The following PDE1A variants were observed in gnomAD, a reference collection of about 807,000 sequenced individuals.
The protein encoded by PDE1A is phosphodiesterase 1A.
PDE1A carries 35 observed loss-of-function variants against 61.7 expected under a neutral mutation model. The observed-to-expected ratio is 0.57, with a 90% confidence interval of 0.43 to 0.75. The LOEUF is 0.75. Ranked by LOEUF, PDE1A falls within the 30% of genes least tolerant of loss-of-function variation. PDE1A has a pLI of 0.00. For missense variants in PDE1A, 597 were observed against 630.6 expected (o/e 0.95, Z 0.57); for synonymous variants, 232 against 213.2 (o/e 1.09, Z -0.77).
At chr2:182,530,124 G>A in the PDE1A span, among the ~76,000 whole-genome samples, 497 of 152,276 alleles carry the variant, frequency 3.3e-3, 1 homozygote, top group South Asian at 5.6e-3. Flanking sequence ...TCAGGCTTCT[G>A]CTTCTAAACA....
chr2:182,380,049 T>G (rs1388732175), intron 1 of PDE1A, among the ~76,000 whole-genome samples: 1 of 151,900 alleles, frequency 6.6e-6, no homozygotes, highest in Non-Finnish European at 1.5e-5. Context: ...TACATTTACC[T>G]ATTTTCTCCC....
the PDE1A span, among the ~76,000 whole-genome samples, chr2:182,608,637 C>T: frequency 6.6e-6 from 1 of 152,224 alleles, no homozygotes; most frequent in East Asian, 1.9e-4. Flanking sequence ...TAGCTGCCTC[C>T]CCACAGGGCA....
At chr2:182,712,188 G>T in the PDE1A span, among the ~76,000 whole-genome samples, 1 of 152,328 alleles carries the variant, frequency 6.6e-6, no homozygotes, top group African/African-American at 2.4e-5. Context: ...CTTCACAAGT[G>T]TCAAAGTCTT....
At chr2:182,182,228 A>G (rs1432515545) in intron 13 of PDE1A, among the ~76,000 whole-genome samples, 2 of 152,212 alleles carry the variant, frequency 1.3e-5, no homozygotes, top group Admixed American at 1.3e-4. Context: ...AATAATGTGT[A>G]AGAAAACCAA....
At chr2:182,599,212 A>G in the PDE1A span, among the ~76,000 whole-genome samples, 6 of 152,242 alleles carry the variant, frequency 3.9e-5, no homozygotes, top group Non-Finnish European at 7.4e-5. Flanking sequence ...TTTCCCTGCT[A>G]TGGGTGCCTG....
At chr2:182,191,187 T>G (rs1685657904) in intron 10 of PDE1A, among the ~76,000 whole-genome samples, 1 of 152,092 alleles carries the variant, frequency 6.6e-6, no homozygotes, top group Admixed American at 6.6e-5. Flanking sequence ...AAGATTAGTT[T>G]GTCTGCAGTA....
At chr2:182,516,856 AGGGAGG>A in intron 2 of PDE1A, among the ~76,000 whole-genome samples, 1 of 69,524 alleles carries the variant, frequency 1.4e-5, no homozygotes, top group Non-Finnish European at 2.8e-5. Context: ...GGAGGGAGGG[AGGGAGG>A]GAGGAAGATG....
At chr2:182,599,151 G>A in the PDE1A span, among the ~76,000 whole-genome samples, 4 of 152,166 alleles carry the variant, frequency 2.6e-5, no homozygotes, top group Non-Finnish European at 4.4e-5. Flanking sequence ...AGCCCAGGAA[G>A]GCCCCCCCTA....
chr2:182,334,760 T>C (rs1339422308), intron 1 of PDE1A, among the ~76,000 whole-genome samples: 2 of 152,218 alleles, frequency 1.3e-5, no homozygotes, highest in Non-Finnish European at 2.9e-5. Flanking sequence ...AACATAGTTT[T>C]GGAAGTTCTG....
the PDE1A span, among the ~76,000 whole-genome samples, chr2:182,633,062 T>A: frequency 6.6e-6 from 1 of 152,220 alleles, no homozygotes. Context: ...ACGAATTTCA[T>A]GTTGGCTCCA....
At chr2:182,561,764 T>A in the PDE1A span, among the ~76,000 whole-genome samples, 1 of 152,062 alleles carries the variant, frequency 6.6e-6, no homozygotes, top group Non-Finnish European at 1.5e-5. Context: ...CTTGAAGAGG[T>A]CCTTCACATC....
chr2:182,339,073 CA>C (rs1185186598), intron 1 of PDE1A, among the ~76,000 whole-genome samples: 1 of 152,060 alleles, frequency 6.6e-6, no homozygotes, highest in Non-Finnish European at 1.5e-5. Flanking sequence ...TATATGTTTA[CA>C]AAAGGATAAC....
At chr2:182,275,382 G>A (rs1693332873) in intron 1 of PDE1A, among the ~76,000 whole-genome samples, 1 of 152,094 alleles carries the variant, frequency 6.6e-6, no homozygotes, top group Non-Finnish European at 1.5e-5. Flanking sequence ...CAGCTGACAG[G>A]AACCTGGGAA....
At chr2:182,486,759 C>T (rs1435485681) in intron 2 of PDE1A, among the ~76,000 whole-genome samples, 1 of 152,070 alleles carries the variant, frequency 6.6e-6, no homozygotes, top group Non-Finnish European at 1.5e-5. Context: ...GCCCTTACCT[C>T]AAACCATACA....
At chr2:182,298,798 C>T (rs181377775) in intron 1 of PDE1A, among the ~76,000 whole-genome samples, 4 of 151,844 alleles carry the variant, frequency 2.6e-5, no homozygotes, top group South Asian at 2.1e-4. Context: ...TAGCAAAAAC[C>T]GAGAGAATAT....
chr2:182,206,092 C>G (rs754277943), intron 7 of PDE1A, 27 bp from the exon 8 acceptor site: 2 of 1,587,752 alleles, frequency 1.3e-6, no homozygotes, highest in Non-Finnish European at 1.7e-6. Flanking sequence ...AAATGCCCAA[C>G]AGAGGATTTC....
At chr2:182,192,076 C>T (rs936035663) in intron 10 of PDE1A, among the ~76,000 whole-genome samples, 8 of 151,928 alleles carry the variant, frequency 5.3e-5, no homozygotes, top group African/African-American at 1.9e-4. Flanking sequence ...AAGGTGGTCT[C>T]GAACTCCTGA....
At chr2:182,433,392 T>C (rs1323748294) in intron 2 of PDE1A, among the ~76,000 whole-genome samples, 1 of 152,132 alleles carries the variant, frequency 6.6e-6, no homozygotes, top group Admixed American at 6.6e-5. Context: ...TTTCTGTACT[T>C]CATCAGGGCA....
chr2:182,674,374 T>C, the PDE1A span, among the ~76,000 whole-genome samples: 13 of 152,142 alleles, frequency 8.5e-5, no homozygotes, highest in African/African-American at 2.9e-4. Flanking sequence ...CCAGTAAACT[T>C]TTCCCCAATT....
Sources: allele counts gnomAD v4.1 joint callset (sites outside exome capture counted in the v4.1 genomes callset), GRCh38; gene constraint gnomAD v4.1.1; transcripts MANE v1.5; gene names NCBI Gene and HGNC (gene_info 2026-07-23, HGNC 2026-07-21).